Variants in SEC11A observed in about 807,000 individuals in gnomAD.
SEC11A encodes the protein SEC11 homolog A, signal peptidase complex subunit.
A neutral mutation model predicts 25.6 loss-of-function variants in SEC11A; 14 were observed. The observed-to-expected ratio is 0.55, with a 90% confidence interval of 0.36 to 0.85. The LOEUF is 0.85. SEC11A is among the 40% of genes least tolerant of loss of function. The pLI is 0.01. For synonymous variants in SEC11A, 83 were observed against 76.4 expected (o/e 1.09, Z -0.45); for missense variants, 153 against 222.9 (o/e 0.69, Z 2.00).
intron 4 of SEC11A, among the ~76,000 whole-genome samples, chr15:84,677,542 G>A (rs964425170): frequency 5.4e-5 from 8 of 149,332 alleles, no homozygotes; most frequent in Non-Finnish European, 1.2e-4. Context: ...GCGTGATCTC[G>A]GCTCACTGCA....
At chr15:84,710,695 C>T (rs1898234692) in intron 1 of SEC11A, among the ~76,000 whole-genome samples, 1 of 152,082 alleles carries the variant, frequency 6.6e-6, no homozygotes, top group South Asian at 2.1e-4. Flanking sequence ...GATTTGTAAA[C>T]AAATTCTACA....
rs571673568 is a variant in SEC11A at position 84,705,114 on chromosome 15, G to A, written c.51+10911C>T. 4.6e-5 allele frequency among the ~76,000 whole-genome samples: 7 copies of A among 152,038 alleles called. No homozygotes were observed. In the East Asian group the frequency reaches 1.2e-3, roughly 25 times the overall value. ...TAATACTTTAATTTCTTGTAGAGACGGGGTCTCACTATATTGCCCAGGCTG... is the reference window on the plus strand; with the variant it reads ...TAATACTTTAATTTCTTGTAGAGACAGGGTCTCACTATATTGCCCAGGCTG... On this transcript the variant is annotated intron_variant, in intron 1 of 5. Coordinates refer to ENST00000268220, the MANE Select transcript of SEC11A (RefSeq NM_014300.4).
At chr15:84,700,984 CAA>C (rs57015135) in intron 1 of SEC11A, among the ~76,000 whole-genome samples, 5,936 of 77,886 alleles carry the variant, frequency 0.076, 152 homozygotes, top group African/African-American at 0.12. Flanking sequence ...AACTCCATAT[CAA>C]AAAAAAAAAA....
chr15:84,709,164 A>G (rs550831001), intron 1 of SEC11A, among the ~76,000 whole-genome samples: 1 of 152,228 alleles, frequency 6.6e-6, no homozygotes, highest in Non-Finnish European at 1.5e-5. Context: ...ATAATTTGGC[A>G]TAACATACTT....
At chr15:84,701,924 G>C (rs1897955626) in intron 1 of SEC11A, among the ~76,000 whole-genome samples, 1 of 151,828 alleles carries the variant, frequency 6.6e-6, no homozygotes, top group South Asian at 2.1e-4. Context: ...CAAATTAGCT[G>C]GGTGTGGTGG....
chr15:84,679,019 A>G (rs1332776818), intron 4 of SEC11A, among the ~76,000 whole-genome samples: 1 of 151,844 alleles, frequency 6.6e-6, no homozygotes, highest in African/African-American at 2.4e-5. Flanking sequence ...AAAAAAAAGT[A>G]CTCATTAATA....
rs752389769 is a variant in SEC11A, at chr15:84,669,941, A to G, written c.*78T>C. 1.2e-6 allele frequency: 2 copies of G among 1,606,390 alleles called. No homozygotes were observed. The highest frequency in any genetic ancestry group is 2.2e-5 in the South Asian group (2 of 89,154). On this transcript the variant is annotated 3_prime_UTR_variant, in exon 6 of 6. Transcript: ENST00000268220. ...CAACACGTGTGTTCTCCATTCCACC[A>G]ATCACAGACCAGTATCTACTCCAAA...
Position 84,669,689 on chromosome 15 carries a change from T to C in SEC11A, c.*330A>G, listed in dbSNP as rs1177826380. The C allele has an allele frequency of 1.8e-5, 6 of 331,680 alleles. No individual in the cohort carries two copies. Among genetic ancestry groups the C allele is most frequent in the Non-Finnish European group, 3.4e-5 (6 of 175,868 alleles). 20.5% of individuals were successfully genotyped at this position (331,680 alleles called of 1,614,324 possible). ...CATTTACAAGTCTCTGTAGGCACTTTAGAAGTGAAGCTTGGCTTCAAAATA... is the reference window on the plus strand; with the variant it reads ...CATTTACAAGTCTCTGTAGGCACTTCAGAAGTGAAGCTTGGCTTCAAAATA... On this transcript the variant is annotated 3_prime_UTR_variant, in exon 6 of 6. Transcript: ENST00000268220.
At position 84,708,025 on chromosome 15, in the gene SEC11A, T is replaced by C. The variant is rs532968136; in HGVS notation, c.51+8000A>G. Among the ~76,000 whole-genome samples the C allele has an allele frequency of 2.0e-5, 3 of 152,012 alleles. No homozygotes were observed. The South Asian group carries it at 6.2e-4, about 32-fold the overall frequency. On this transcript the variant is annotated intron_variant, in intron 1 of 5. Transcript: ENST00000268220. Reference sequence around the variant, plus strand: ...GAGTTCAAGACCAGCCTGGCCAACATGGTGAAACCCCGTCTTTACTAAAAA... The same window carrying C: ...GAGTTCAAGACCAGCCTGGCCAACACGGTGAAACCCCGTCTTTACTAAAAA...
intron 1 of SEC11A, among the ~76,000 whole-genome samples, chr15:84,713,737 T>C (rs1330018671): frequency 6.6e-6 from 1 of 152,216 alleles, no homozygotes; most frequent in Non-Finnish European, 1.5e-5. Context: ...CTTATATATC[T>C]CTATGCTTTA....
chr15:84,704,248 C>T (rs1898031716), intron 1 of SEC11A, among the ~76,000 whole-genome samples: 1 of 152,280 alleles, frequency 6.6e-6, no homozygotes, highest in African/African-American at 2.4e-5. Context: ...TGCCTTATTC[C>T]TCATTGTGGT....
chr15:84,671,565 A>G (rs1896983349), intron 4 of SEC11A: 1 of 152,180 alleles, frequency 6.6e-6, no homozygotes, highest in Non-Finnish European at 1.5e-5. Flanking sequence ...ATCTTACAGC[A>G]CCTGATACAT....
intron 1 of SEC11A, among the ~76,000 whole-genome samples, chr15:84,703,459 T>A (rs973951274): frequency 6.6e-6 from 1 of 152,206 alleles, no homozygotes; most frequent in African/African-American, 2.4e-5. Context: ...TACTGCCTCA[T>A]GAGGAGCTCC....
At chr15:84,678,352 G>A (rs1186816405) in intron 4 of SEC11A, among the ~76,000 whole-genome samples, 4 of 152,178 alleles carry the variant, frequency 2.6e-5, no homozygotes, top group African/African-American at 9.7e-5. Context: ...GCTTCACCCA[G>A]TAATTCCACT....
chr15:84,672,882 T>G (rs1427634244), intron 4 of SEC11A: 1 of 201,914 alleles, frequency 5.0e-6, no homozygotes, highest in African/African-American at 2.5e-5. Flanking sequence ...CGCCGCCCCG[T>G]CTGGGATGTG....
rs376121001 is a variant in SEC11A at position 84,702,597 on chromosome 15, C to A, written c.52-10953G>T. Among the ~76,000 whole-genome samples the A allele has an allele frequency of 1.2e-4, 18 of 152,202 alleles. No homozygotes were observed. In the East Asian group the frequency reaches 2.9e-3, roughly 24 times the overall value. On this transcript the variant is annotated intron_variant, in intron 1 of 5. Transcript: ENST00000268220. ...GAGATTATAGACACAAGCAACAGTG[C>A]CCAGTTTATAAATATATTTATACCA...
At chr15:84,712,634 G>C (rs970263989) in intron 1 of SEC11A, among the ~76,000 whole-genome samples, 24 of 151,854 alleles carry the variant, frequency 1.6e-4, no homozygotes, top group African/African-American at 5.6e-4. Context: ...TTTTAGTAGA[G>C]ACAGGGTTTC....
chr15:84,716,060 A>C lies in SEC11A; in HGVS notation c.16T>G (p.Phe6Val). ...TTCATCCGCCGCACATCGTCCAAAA[A>C]GTCTAGAGACAGCATGGCGGGGACG... MLSLDFLDDVRRMNKR... is the reference protein window; with the variant it reads MLSLDVLDDVRRMNKR... Residue 6 changes from phenylalanine (F) to valine (V), a missense_variant, in exon 1 of 6, where the codon TTT becomes GTT. Transcript: ENST00000268220. The C allele has an allele frequency of 6.2e-7, 1 of 1,613,882 alleles. No homozygotes were observed. The highest frequency in any genetic ancestry group is 8.5e-7 in the Non-Finnish European group (1 of 1,179,834).
At position 84,700,335 on chromosome 15, in the gene SEC11A, C is replaced by T. The variant is rs554906397; in HGVS notation, c.52-8691G>A. Among the ~76,000 whole-genome samples, 4 of 151,734 alleles carry T rather than the reference C, an allele frequency of 2.6e-5. 1 individual carries two copies. Among genetic ancestry groups the T allele is most frequent in the Admixed American group, 2.6e-4 (4 of 15,242 alleles). ...TATTTGCTGGGCGAGGTGGCTTATG[C>T]CTGTAATCCCAGAACTTTAGGAGGC... On this transcript the variant is annotated intron_variant, in intron 1 of 5. Transcript: ENST00000268220.
Sources: allele counts gnomAD v4.1 joint callset (sites outside exome capture counted in the v4.1 genomes callset), GRCh38; gene constraint gnomAD v4.1.1; transcripts MANE v1.5; gene names NCBI Gene and HGNC (gene_info 2026-07-23, HGNC 2026-07-21).